CNIH4: variants seen among roughly 807,000 people sequenced by gnomAD.
CNIH4 encodes cornichon family member 4.
CNIH4 carries 9 observed loss-of-function variants against 21.5 expected under a neutral mutation model. The observed-to-expected ratio is 0.42, with a 90% confidence interval of 0.25 to 0.73. The LOEUF is 0.73. CNIH4 is among the 30% of genes least tolerant of loss of function. CNIH4 has a pLI of 0.27. For missense variants in CNIH4, 159 were observed against 170.0 expected (o/e 0.94, Z 0.36); for synonymous variants, 67 against 59.1 (o/e 1.13, Z -0.61).
At chr1:224,363,994 A>T in intron 2 of CNIH4, 1 of 953,794 alleles carries the variant, frequency 1.0e-6, no homozygotes, top group Non-Finnish European at 1.2e-6. Flanking sequence ...CTGAGAACAA[A>T]TTCGGGGAAG....
At chr1:224,370,855 A>C (rs1288304638) in intron 3 of CNIH4, among the ~76,000 whole-genome samples, 1 of 151,364 alleles carries the variant, frequency 6.6e-6, no homozygotes, top group Non-Finnish European at 1.5e-5. Context: ...TATGAATTTA[A>C]GGCTGCTATG....
chr1:224,374,408 C>CTTAACTTGTCTGAGCCTCA (rs1354338736), intron 4 of CNIH4, among the ~76,000 whole-genome samples: 1 of 150,902 alleles, frequency 6.6e-6, no homozygotes. Flanking sequence ...GGGCAAGTTT[C>CTTAACTTGTCTGAGCCTCA]GTTTCTTTTT....
chr1:224,368,074 T>C (rs1455929970), intron 3 of CNIH4, among the ~76,000 whole-genome samples: 1 of 152,250 alleles, frequency 6.6e-6, no homozygotes, highest in Non-Finnish European at 1.5e-5. Context: ...CCCATGCCTA[T>C]AATCCCAGCA....
chr1:224,376,547 G>A lies in CNIH4; in HGVS notation c.*725G>A, dbSNP rs902777221. On this transcript the variant is annotated 3_prime_UTR_variant, in exon 5 of 5. Transcript: ENST00000465271. Reference sequence around the variant, plus strand: ...TTGCCAGTCTGGTTTTCGTATTGCAGTTATTCCAATTGTATTTGATCTCCC... The same window carrying A: ...TTGCCAGTCTGGTTTTCGTATTGCAATTATTCCAATTGTATTTGATCTCCC... 2.0e-6 allele frequency: 2 copies of A among 985,268 alleles called. No individual in the cohort carries two copies. The highest frequency in any genetic ancestry group is 1.2e-6 in the Non-Finnish European group (1 of 829,936). The allele number at this position is 985,268 out of a possible 1,614,324, so 61.0% of individuals were successfully genotyped here. A position where few individuals can be genotyped will look rare whatever the true frequency, so the allele number is the denominator to read the frequency against.
chr1:224,360,852 T>G (rs755742074), intron 2 of CNIH4, among the ~76,000 whole-genome samples: 5 of 152,216 alleles, frequency 3.3e-5, no homozygotes, highest in Non-Finnish European at 7.3e-5. Context: ...TGTTTTTGTC[T>G]TCTGCGTTGG....
At position 224,357,058 on chromosome 1, in the gene CNIH4, C is replaced by T. The variant is rs1041776584; in HGVS notation, c.69+65C>T. ...CACGGCTGAGGGTGGGCCAGTTGGGCACCCGGGCAGGTGTGTGGGACTAGG... is the reference window on the plus strand; with the variant it reads ...CACGGCTGAGGGTGGGCCAGTTGGGTACCCGGGCAGGTGTGTGGGACTAGG... On this transcript the variant is annotated intron_variant, in intron 1 of 4. Coordinates refer to ENST00000465271, the MANE Select transcript of CNIH4 (RefSeq NM_014184.4). The T allele has an allele frequency of 9.0e-6, 14 of 1,554,826 alleles. No homozygotes were observed. The South Asian group carries it at 1.2e-4, about 13-fold the overall frequency.
intron 2 of CNIH4, among the ~76,000 whole-genome samples, chr1:224,365,661 AT>A (rs1672430706): frequency 6.6e-6 from 1 of 152,240 alleles, no homozygotes. Flanking sequence ...ATAAAAAGTA[AT>A]TGAAATTTAA....
intron 4 of CNIH4, among the ~76,000 whole-genome samples, chr1:224,373,926 AAGAT>A (rs1474837502): frequency 6.6e-6 from 1 of 152,246 alleles, no homozygotes; most frequent in Admixed American, 6.5e-5. Flanking sequence ...AACTAAATAA[AAGAT>A]AGGCAACTCA....
chr1:224,371,491 C>T, intron 4 of CNIH4, 68 bp downstream of exon 4: 5 of 1,468,254 alleles, frequency 3.4e-6, no homozygotes, highest in Non-Finnish European at 4.6e-6. Flanking sequence ...TATTACTATA[C>T]TATAGGATTT....
chr1:224,366,594 C>T (rs59200812), intron 3 of CNIH4, among the ~76,000 whole-genome samples: 2 of 151,990 alleles, frequency 1.3e-5, no homozygotes, highest in African/African-American at 4.8e-5. Flanking sequence ...AGTGATCCGC[C>T]CACCTTAGCC....
intron 2 of CNIH4, among the ~76,000 whole-genome samples, chr1:224,363,891 G>A (rs12128292): frequency 0.12 from 17,965 of 152,084 alleles, 1,295 homozygotes; most frequent in South Asian, 0.25. Context: ...ACCTGAAATG[G>A]CGGTGTTTTG....
At chr1:224,374,369 G>A (rs926169543) in intron 4 of CNIH4, among the ~76,000 whole-genome samples, 2 of 151,706 alleles carry the variant, frequency 1.3e-5, no homozygotes, top group Non-Finnish European at 2.9e-5. Flanking sequence ...CTAGTGGAAT[G>A]TGGGCTCTAC....
At chr1:224,369,167 A>T (rs1311893665) in intron 3 of CNIH4, among the ~76,000 whole-genome samples, 1 of 152,170 alleles carries the variant, frequency 6.6e-6, no homozygotes, top group Non-Finnish European at 1.5e-5. Flanking sequence ...ATGGTCTATT[A>T]TGGTAAAGTT....
chr1:224,376,883 C>G lies in CNIH4; in HGVS notation c.*1061C>G. Reference sequence around the variant, plus strand: ...TAAAATAAACCTGGCAATTTATCCTCAGTCCTAGTTTGTGGTTTAATGTTG... The same window carrying G: ...TAAAATAAACCTGGCAATTTATCCTGAGTCCTAGTTTGTGGTTTAATGTTG... On this transcript the variant is annotated 3_prime_UTR_variant, in exon 5 of 5. Transcript: ENST00000465271. 2.0e-6 allele frequency: 2 copies of G among 985,456 alleles called. No homozygotes were observed. The highest frequency in any genetic ancestry group is 2.4e-6 in the Non-Finnish European group (2 of 829,944). 61.0% of individuals were successfully genotyped at this position (985,456 alleles called of 1,614,324 possible).
intron 2 of CNIH4, among the ~76,000 whole-genome samples, chr1:224,364,716 C>T (rs749550319): frequency 6.6e-5 from 10 of 152,134 alleles, no homozygotes; most frequent in African/African-American, 2.4e-4. Context: ...GGGTGGATCA[C>T]AAGGTTGAGA....
At chr1:224,375,299 G>A (rs1054107583) in intron 4 of CNIH4, among the ~76,000 whole-genome samples, 11 of 152,196 alleles carry the variant, frequency 7.2e-5, no homozygotes, top group African/African-American at 2.7e-4. Context: ...GAAGGAGGCT[G>A]TGCAACTGCC....
chr1:224,367,364 A>T (rs957208824), intron 3 of CNIH4, among the ~76,000 whole-genome samples: 5 of 152,010 alleles, frequency 3.3e-5, no homozygotes, highest in African/African-American at 1.2e-4. Context: ...TGAGGGAAGG[A>T]GTGGATATGG....
At chr1:224,365,841 A>G in intron 2 of CNIH4, 38 bp from the exon 3 acceptor site, 1 of 1,140,410 alleles carries the variant, frequency 8.8e-7, no homozygotes, top group Non-Finnish European at 1.3e-6. Context: ...CAGGAAGGAC[A>G]TAGCAGTGAG....
chr1:224,364,306 T>C, intron 2 of CNIH4: 13 of 985,368 alleles, frequency 1.3e-5, no homozygotes, highest in Non-Finnish European at 1.4e-5. Flanking sequence ...CAGCCTACAG[T>C]AAGAAATCCA....
Sources: allele counts gnomAD v4.1 joint callset (sites outside exome capture counted in the v4.1 genomes callset), GRCh38; gene constraint gnomAD v4.1.1; transcripts MANE v1.5; gene names NCBI Gene and HGNC (gene_info 2026-07-23, HGNC 2026-07-21).